ADGRV1: variants seen among roughly 807,000 people sequenced by gnomAD.
ADGRV1 encodes G-protein coupled receptor 98.
ADGRV1 carries 359 observed loss-of-function variants against 596.2 expected under a neutral mutation model. The ratio of observed to expected loss-of-function variants is 0.60; its 90% CI spans 0.55 to 0.66. ADGRV1 has a LOEUF of 0.66. Among genes scored for constraint, ADGRV1 ranks in the 30% least tolerant of loss-of-function variants. ADGRV1 has a pLI of 0.00. For missense variants in ADGRV1, 7,274 were observed against 7,575.6 expected, an observed-to-expected ratio of 0.96 and a Z score of 1.48; for synonymous variants, 2,681 against 2,679.2, an observed-to-expected ratio of 1.00 and a Z score of -0.02.
chr5:90,732,754 C>A (rs1212441326), intron 50 of ADGRV1, among the ~76,000 whole-genome samples: 2 of 152,190 alleles, frequency 1.3e-5, no homozygotes, highest in African/African-American at 4.8e-5. Context: ...TCAGTCTACT[C>A]CAGTATTATC....
At chr5:90,812,233 A>G (rs951841430) in intron 74 of ADGRV1, among the ~76,000 whole-genome samples, 1 of 152,136 alleles carries the variant, frequency 6.6e-6, no homozygotes, top group Non-Finnish European at 1.5e-5. Flanking sequence ...GCCTGAAATC[A>G]TACTGTATTT....
chr5:90,613,074 C>A (rs1290096126), intron 1 of ADGRV1, among the ~76,000 whole-genome samples: 1 of 152,084 alleles, frequency 6.6e-6, no homozygotes, highest in Admixed American at 6.6e-5. Context: ...CTTACTTGTT[C>A]ATGATTCCCT....
chr5:91,022,850 C>T (rs1356137451), intron 85 of ADGRV1, among the ~76,000 whole-genome samples: 4 of 152,084 alleles, frequency 2.6e-5, no homozygotes, highest in African/African-American at 9.7e-5. Context: ...TTTGTTCCAA[C>T]AGGTTTACAA....
intron 1 of ADGRV1, among the ~76,000 whole-genome samples, chr5:90,565,553 G>C (rs1449165510): frequency 6.6e-6 from 1 of 152,150 alleles, no homozygotes; most frequent in Non-Finnish European, 1.5e-5. Context: ...TCCAGAGTAT[G>C]GATATGCCAC....
intron 21 of ADGRV1, among the ~76,000 whole-genome samples, chr5:90,666,750 G>A (rs535093220): frequency 0.018 from 2,777 of 151,460 alleles, 69 homozygotes; most frequent in African/African-American, 0.061. Flanking sequence ...GGCTGGTACC[G>A]GTTGTTCCTT....
intron 1 of ADGRV1, among the ~76,000 whole-genome samples, chr5:90,576,784 C>T (rs1295520406): frequency 1.3e-5 from 2 of 152,218 alleles, no homozygotes; most frequent in Non-Finnish European, 2.9e-5. Context: ...CATCTGTTTC[C>T]TGACTTATTA....
rs559914893 is a variant in ADGRV1 at position 90,777,542 on chromosome 5, C to T, written c.12528-363C>T. Among the ~76,000 whole-genome samples, 25 of 152,212 alleles carry T rather than the reference C, an allele frequency of 1.6e-4. No homozygotes were observed. The East Asian group carries it at 4.8e-3, about 29-fold the overall frequency. On this transcript the variant is annotated intron_variant, in intron 61 of 89. Transcript: ENST00000405460. Reference sequence around the variant, plus strand: ...GACTATCCCTTCCCATCAGCATGCCCTTATATGAAGGGTCTTCCAGTCTTT... The same window carrying T: ...GACTATCCCTTCCCATCAGCATGCCTTTATATGAAGGGTCTTCCAGTCTTT...
intron 1 of ADGRV1, among the ~76,000 whole-genome samples, chr5:90,604,537 T>C (rs1377943415): frequency 6.6e-6 from 1 of 152,248 alleles, no homozygotes; most frequent in African/African-American, 2.4e-5. Context: ...CTGCTTTTCA[T>C]GACTTTTTAA....
At chr5:90,957,753 G>A (rs1777610993) in intron 83 of ADGRV1, among the ~76,000 whole-genome samples, 1 of 150,986 alleles carries the variant, frequency 6.6e-6, no homozygotes, top group Non-Finnish European at 1.5e-5. Flanking sequence ...GTAGTGTGAG[G>A]TTTGCAACAT....
At chr5:90,755,979 C>G (rs961024555) in intron 55 of ADGRV1, among the ~76,000 whole-genome samples, 2 of 151,226 alleles carry the variant, frequency 1.3e-5, no homozygotes, top group South Asian at 2.1e-4. Flanking sequence ...GTTTTCCCCC[C>G]CTTTTTAGAG....
intron 13 of ADGRV1, among the ~76,000 whole-genome samples, chr5:90,643,552 T>G (rs747463274): frequency 2.1e-4 from 32 of 152,214 alleles, no homozygotes; most frequent in South Asian, 6.2e-4. Flanking sequence ...ACATCCACTT[T>G]TCTTACCATT....
Position 90,753,809 on chromosome 5 carries a change from T to C in ADGRV1, c.11357T>C (p.Ile3786Thr). 6.2e-7 allele frequency: 1 copy of C among 1,609,338 alleles called. No individual in the cohort carries two copies. The highest frequency in any genetic ancestry group is 8.5e-7 in the Non-Finnish European group (1 of 1,177,270). The change falls in exon 54 of 90, where the codon ATT becomes ACT. Residue 3786 changes from isoleucine to threonine, a missense_variant. Coordinates refer to ENST00000405460, the MANE Select transcript of ADGRV1 (RefSeq NM_032119.4). Reference sequence around the variant, plus strand: ...GGCTGGCGTGCTGCGTCTGTCTTCATTAGAGTAGCAGAGCCTAAAGGTAAA... The same window carrying C: ...GGCTGGCGTGCTGCGTCTGTCTTCACTAGAGTAGCAGAGCCTAAAGGTAAA... ...LVGWRAASVF[I>T]RVAEPKENTT...
At chr5:91,020,245 T>C (rs927914829) in intron 85 of ADGRV1, among the ~76,000 whole-genome samples, 3 of 151,832 alleles carry the variant, frequency 2.0e-5, no homozygotes, top group Non-Finnish European at 4.4e-5. Flanking sequence ...TCCCAAAGAG[T>C]AGGGCTAGGA....
chr5:90,589,759 T>G (rs887447541), intron 1 of ADGRV1, among the ~76,000 whole-genome samples: 1 of 152,190 alleles, frequency 6.6e-6, no homozygotes, highest in African/African-American at 2.4e-5. Context: ...TTTAAGGTTT[T>G]GGTTCAGAGT....
chr5:90,736,178 A>T (rs968430258), intron 50 of ADGRV1, among the ~76,000 whole-genome samples: 1 of 151,922 alleles, frequency 6.6e-6, no homozygotes, highest in Admixed American at 6.6e-5. Context: ...GAGAGCTTTT[A>T]TCATGAAAGG....
intron 85 of ADGRV1, among the ~76,000 whole-genome samples, chr5:90,986,902 C>A (rs1780543213): frequency 6.6e-6 from 1 of 152,110 alleles, no homozygotes; most frequent in African/African-American, 2.4e-5. Flanking sequence ...TTTTCATGAG[C>A]TCCCTGGCAA....
intron 86 of ADGRV1, among the ~76,000 whole-genome samples, chr5:91,089,275 G>A (rs2126565598): frequency 6.6e-6 from 1 of 152,038 alleles, no homozygotes; most frequent in East Asian, 1.9e-4. Context: ...TATACATACA[G>A]CTGTTGGGAA....
intron 21 of ADGRV1, among the ~76,000 whole-genome samples, chr5:90,661,014 G>T (rs1391642028): frequency 1.3e-5 from 2 of 152,152 alleles, no homozygotes; most frequent in Admixed American, 6.5e-5. Flanking sequence ...GCAGTTTAGG[G>T]TCCTGGTGAG....
At chr5:90,644,891 C>A (rs767547402) in intron 15 of ADGRV1, 22 bp downstream of exon 15, 7 of 1,501,728 alleles carry the variant, frequency 4.7e-6, no homozygotes, top group Non-Finnish European at 6.3e-6. Context: ...ATATAACTTT[C>A]TGCCTTACTT....
Sources: gnomAD v4.1 joint callset for allele counts (sites outside exome capture counted in the v4.1 genomes callset) on GRCh38, gnomAD v4.1.1 for gene constraint, MANE v1.5 for transcripts, NCBI Gene and HGNC (gene_info 2026-07-23, HGNC 2026-07-21) for gene names.